The following SPTY2D1 variants were observed in gnomAD, a reference collection of about 807,000 sequenced individuals.
The protein encoded by SPTY2D1 is protein SPT2 homolog.
Under a neutral mutation model 64.0 loss-of-function variants are expected in SPTY2D1, and 21 were observed. That is an observed-to-expected ratio of 0.33 (90% CI 0.23 to 0.47). The LOEUF (loss-of-function observed/expected upper bound fraction) is 0.47, where lower values mean the gene tolerates loss of function less well. Ranked by LOEUF, SPTY2D1 falls within the 20% of genes least tolerant of loss-of-function variation. The pLI, the probability that SPTY2D1 is intolerant of heterozygous loss-of-function variation, is 1.00. For missense variants in SPTY2D1, 724 were observed against 837.2 expected (o/e 0.86, Z 1.67); for synonymous variants, 287 against 286.8 (o/e 1.00, Z -0.01).
In SPTY2D1 at chr11:18,615,854, C is replaced by T. The variant is rs374950442; in HGVS notation, c.420G>A (p.Glu140=). The stretch of plus-strand genomic sequence containing the variant: ...GTTCTTGCTCTTCCTCATACTCCTG[C>T]TCTGACTCTGCGTGATTGTACTCGA... ...EFLEYNHAES[E]QEYEEEQEPP... Residue 140 remains glutamate, a synonymous_variant, in exon 3 of 6, where the codon GAG becomes GAA. Coordinates refer to ENST00000336349, the MANE Select transcript of SPTY2D1 (RefSeq NM_194285.3). The T allele has an allele frequency of 1.2e-6, 2 of 1,614,050 alleles. No individual in the cohort carries two copies.
At chr11:18,629,276 A>C (rs1170154918) in intron 1 of SPTY2D1, among the ~76,000 whole-genome samples, 2 of 152,144 alleles carry the variant, frequency 1.3e-5, no homozygotes, top group Non-Finnish European at 2.9e-5. Flanking sequence ...CAAGGCAGGC[A>C]GATCACTTGA....
In SPTY2D1 at chr11:18,634,318, C is replaced by T; in HGVS notation, c.-61G>A. ...CGGAAAGGACTGACAGCGCACCTAACCGAGGCGCCCAGCTACAGCCAACTG... is the reference window on the plus strand; with the variant it reads ...CGGAAAGGACTGACAGCGCACCTAATCGAGGCGCCCAGCTACAGCCAACTG... On this transcript the variant is annotated 5_prime_UTR_variant, in exon 1 of 6. Transcript: ENST00000336349. 1 of 1,580,358 alleles carries T rather than the reference C, an allele frequency of 6.3e-7. No individual in the cohort carries two copies. Among genetic ancestry groups the T allele is most frequent in the Non-Finnish European group, 8.7e-7 (1 of 1,151,464 alleles).
rs1241132715 is a variant in SPTY2D1, at chr11:18,626,539, C to T, written c.60+7659G>A. Reference sequence around the variant, plus strand: ...CTCACTATACCATCCTCAGTACACGCCCCTCATTCAACACAAGCTCATGAT... The same window carrying T: ...CTCACTATACCATCCTCAGTACACGTCCCTCATTCAACACAAGCTCATGAT... On this transcript the variant is annotated intron_variant, in intron 1 of 5. Coordinates refer to ENST00000336349, the MANE Select transcript of SPTY2D1 (RefSeq NM_194285.3). Among the ~76,000 whole-genome samples, 7 of 152,178 alleles carry T rather than the reference C, an allele frequency of 4.6e-5. No individual in the cohort carries two copies. In the South Asian group the frequency reaches 8.3e-4, roughly 18 times the overall value.
Position 18,615,545 on chromosome 11 carries a change from G to A in SPTY2D1, c.729C>T (p.Ser243=), listed in dbSNP as rs1440398408. The change falls in exon 3 of 6, where the codon AGC becomes AGT. Residue 243 remains serine, a synonymous_variant. Coordinates refer to ENST00000336349, the MANE Select transcript of SPTY2D1 (RefSeq NM_194285.3). ...SQKESVGTKL[S]KGSGDRHPSS... ...AAGGATGCCTGTCTCCAGAACCTTT[G>A]CTAAGTTTTGTGCCCACACTTTCTT... The A allele has an allele frequency of 6.2e-7, 1 of 1,614,212 alleles. No individual in the cohort carries two copies. Among genetic ancestry groups the A allele is most frequent in the Non-Finnish European group, 8.5e-7 (1 of 1,180,024 alleles).
intron 1 of SPTY2D1, among the ~76,000 whole-genome samples, chr11:18,630,662 T>C (rs890734555): frequency 1.3e-5 from 2 of 152,188 alleles, no homozygotes; most frequent in African/African-American, 4.8e-5. Context: ...GGAGAAGAAG[T>C]TGGCGAACAG....
intron 1 of SPTY2D1, among the ~76,000 whole-genome samples, chr11:18,620,861 T>C (rs1354088878): frequency 3.4e-4 from 48 of 142,664 alleles, no homozygotes; most frequent in Non-Finnish European, 5.7e-4. Flanking sequence ...CACTCCAGCC[T>C]GGGCAACAGA....
chr11:18,619,388 G>A (rs777985359), intron 1 of SPTY2D1, among the ~76,000 whole-genome samples: 1 of 151,550 alleles, frequency 6.6e-6, no homozygotes, highest in Non-Finnish European at 1.5e-5. Flanking sequence ...GGAGGCTGAG[G>A]CGGGAGGACA....
chr11:18,630,809 T>A (rs11024741), intron 1 of SPTY2D1, among the ~76,000 whole-genome samples: 1 of 152,212 alleles, frequency 6.6e-6, no homozygotes, highest in East Asian at 1.9e-4. Flanking sequence ...TAGCTGTCTT[T>A]TTTTATTTTA....
chr11:18,625,786 A>C (rs10766488), intron 1 of SPTY2D1, among the ~76,000 whole-genome samples: 144,583 of 148,264 alleles, frequency 0.98, 70,614 homozygotes, highest in East Asian at 1. Flanking sequence ...GTTGCCCATG[A>C]TGGTCACTTC....
At chr11:18,633,466 C>G (rs1270521273) in intron 1 of SPTY2D1, among the ~76,000 whole-genome samples, 1 of 152,210 alleles carries the variant, frequency 6.6e-6, no homozygotes, top group Admixed American at 6.5e-5. Flanking sequence ...ACCACTTTAC[C>G]ATTTAAGTCT....
chr11:18,617,669 C>T (rs1397617635), intron 1 of SPTY2D1, among the ~76,000 whole-genome samples: 1 of 145,668 alleles, frequency 6.9e-6, no homozygotes, highest in Non-Finnish European at 1.5e-5. Context: ...AGGCCAGGTG[C>T]GGTGGCTCAC....
At chr11:18,634,070 G>C in intron 1 of SPTY2D1, 128 bp downstream of exon 1, 2 of 1,027,610 alleles carry the variant, frequency 1.9e-6, no homozygotes, top group Non-Finnish European at 2.9e-6. Context: ...CCAAGAAAAG[G>C]AAATAAGGCG....
intron 1 of SPTY2D1, among the ~76,000 whole-genome samples, chr11:18,622,101 A>AAAAACAAAAAAC: frequency 1.2e-5 from 1 of 81,282 alleles, no homozygotes; most frequent in East Asian, 4.2e-4. Flanking sequence ...AAAAAAAAAA[A>AAAAACAAAAAAC]AAACCAAAAC....
In SPTY2D1 at chr11:18,612,353, G is replaced by C; in HGVS notation, c.1847C>G (p.Ser616Cys). The C allele has an allele frequency of 6.2e-7, 1 of 1,607,970 alleles. No individual in the cohort carries two copies. The highest frequency in any genetic ancestry group is 8.5e-7 in the Non-Finnish European group (1 of 1,177,008). Residue 616 changes from serine (S) to cysteine (C), a missense_variant, in exon 4 of 6, where the codon TCC (serine) becomes TGC (cysteine). By Grantham distance (112) the Ser-to-Cys change is moderately radical (BLOSUM62 -1). Transcript: ENST00000336349. This position sits in a 1 kb window ranked among gnomAD's most constrained non-coding sequence, Gnocchi z 4.6. ...EDEGEPQEEISKHIREIFGYD... is the reference protein window; with the variant it reads ...EDEGEPQEEICKHIREIFGYD... ...ACCAAAGATTTCTCTAATGTGCTTG[G>C]ATATTTCTTCCTGAGGCTCTCCTTC...
intron 3 of SPTY2D1, among the ~76,000 whole-genome samples, chr11:18,614,052 T>C (rs1854247522): frequency 6.6e-6 from 1 of 152,204 alleles, no homozygotes; most frequent in Non-Finnish European, 1.5e-5. Context: ...AAGCTAAGTT[T>C]ATCACACTTA....
chr11:18,612,581 T>C lies in SPTY2D1; in HGVS notation c.1712-93A>G, dbSNP rs1433805055. On this transcript the variant is annotated intron_variant, in intron 3 of 5. Coordinates refer to ENST00000336349, the MANE Select transcript of SPTY2D1 (RefSeq NM_194285.3). This position sits in a 1 kb window ranked among gnomAD's most constrained non-coding sequence, Gnocchi z 4.6. Reference sequence around the variant, plus strand: ...AAATTGTGAGTCATCATTAAGATGGTATCCTTTAAAACCAGAGCAAGCAGG... The same window carrying C: ...AAATTGTGAGTCATCATTAAGATGGCATCCTTTAAAACCAGAGCAAGCAGG... 2 of 1,188,906 alleles carry C rather than the reference T, an allele frequency of 1.7e-6. No homozygotes were observed. Among genetic ancestry groups the C allele is most frequent in the Non-Finnish European group, 2.3e-6 (2 of 881,576 alleles). The allele number at this position is 1,188,906 out of a possible 1,614,324, so 73.6% of individuals were successfully genotyped here. A position where few individuals can be genotyped will look rare whatever the true frequency, so the allele number is the denominator to read the frequency against.
rs1171657340 is a variant in SPTY2D1, at chr11:18,614,982, C to T, written c.1292G>A (p.Gly431Asp). The change falls in exon 3 of 6, where the codon GGT becomes GAT. Residue 431 changes from glycine to aspartate, a missense_variant. Physicochemically the swap from Gly to Asp is moderately conservative, Grantham distance 94 (BLOSUM62 -1). This residue lies in a region of SPTY2D1 where 426 missense variants were observed against 431.8 expected (regional missense o/e 0.99). Transcript: ENST00000336349. ...DSNPSRRTVSGTCGPGQPASS... is the reference protein window; with the variant it reads ...DSNPSRRTVSDTCGPGQPASS... ...TGCAGGTTGTCCAGGGCCACATGTA[C>T]CACTGACTGTCCGCCTAGAGGGATT... is the stretch of plus-strand genomic sequence containing the variant. The T allele has an allele frequency of 5.0e-6, 8 of 1,614,048 alleles. No individual in the cohort carries two copies. The highest frequency in any genetic ancestry group is 1.3e-5 in the African/African-American group (1 of 74,948).
chr11:18,631,694 A>G (rs926882143), intron 1 of SPTY2D1, among the ~76,000 whole-genome samples: 5 of 151,960 alleles, frequency 3.3e-5, no homozygotes, highest in African/African-American at 9.7e-5. Flanking sequence ...AAATAGATGG[A>G]ATAAATATGG....
chr11:18,614,967 C>T lies in SPTY2D1; in HGVS notation c.1307G>A (p.Gly436Glu). The T allele has an allele frequency of 6.2e-7, 1 of 1,614,154 alleles. No individual in the cohort carries two copies. The highest frequency in any genetic ancestry group is 8.5e-7 in the Non-Finnish European group (1 of 1,180,040). ...RRTVSGTCGP[G>E]QPASSSGGPG... ...GCCACCTGAGCTGCTTGCAGGTTGT[C>T]CAGGGCCACATGTACCACTGACTGT... Residue 436 changes from glycine (G) to glutamate (E), a missense_variant, in exon 3 of 6, where the codon GGA (glycine) becomes GAA (glutamate). By Grantham distance (98) the Gly-to-Glu change is moderately conservative (BLOSUM62 -2). Transcript: ENST00000336349.
Sources: gnomAD v4.1 joint callset for allele counts (sites outside exome capture counted in the v4.1 genomes callset) on GRCh38, gnomAD v4.1.1 for gene constraint, gnomAD v4.1.1 regional missense constraint, Gnocchi (gnomAD v3.1) non-coding constraint, MANE v1.5 for transcripts, NCBI Gene and HGNC (gene_info 2026-07-23, HGNC 2026-07-21) for gene names.